Variants in NUDT9 observed in about 807,000 individuals in gnomAD.
NUDT9 encodes ADP-ribose pyrophosphatase.
A neutral mutation model predicts 41.0 loss-of-function variants in NUDT9; 31 were observed. The ratio of observed to expected loss-of-function variants is 0.76; its 90% CI spans 0.57 to 1.02. The LOEUF is 1.02. Among genes scored for constraint, NUDT9 ranks in the 50% least tolerant of loss-of-function variants. The probability of loss-of-function intolerance (pLI) is 0.00; values close to 1 mark genes in which losing one functional copy is unlikely to be tolerated. For synonymous variants in NUDT9, 146 were observed against 147.6 expected (o/e 0.99, Z 0.08); for missense variants, 380 against 431.4 (o/e 0.88, Z 1.06).
chr4:87,436,811 A>C (rs554855917), intron 2 of NUDT9, among the ~76,000 whole-genome samples: 9 of 152,228 alleles, frequency 5.9e-5, no homozygotes, highest in Non-Finnish European at 1.0e-4. Context: ...CACTCAATGG[A>C]ATTAAAGCAA....
At chr4:87,438,454 A>G (rs192638873) in intron 3 of NUDT9, 82 bp downstream of exon 3, 10 of 718,114 alleles carry the variant, frequency 1.4e-5, no homozygotes, top group Non-Finnish European at 1.5e-5. Flanking sequence ...AAATCCTTGT[A>G]TGTGCCAGAT....
At chr4:87,431,886 A>G (rs184326481) in intron 1 of NUDT9, among the ~76,000 whole-genome samples, 55 of 152,228 alleles carry the variant, frequency 3.6e-4, no homozygotes, top group African/African-American at 1.1e-3. Context: ...GGGTTTCGCC[A>G]TGTTGGCCGG....
chr4:87,448,913 A>G (rs1722589036), intron 4 of NUDT9, among the ~76,000 whole-genome samples: 1 of 152,152 alleles, frequency 6.6e-6, no homozygotes, highest in Non-Finnish European at 1.5e-5. Flanking sequence ...TTCATTACAG[A>G]TAATGTAGTG....
intron 1 of NUDT9, among the ~76,000 whole-genome samples, chr4:87,428,476 C>G (rs1038956277): frequency 1.3e-5 from 2 of 152,074 alleles, no homozygotes; most frequent in Non-Finnish European, 2.9e-5. Flanking sequence ...TGGAAGCAAC[C>G]AAGATGTTCT....
intron 4 of NUDT9, among the ~76,000 whole-genome samples, chr4:87,446,336 A>G (rs957247484): frequency 4.7e-5 from 7 of 148,410 alleles, no homozygotes; most frequent in African/African-American, 1.2e-4. Context: ...GCAACCTCCA[A>G]GTGATTCTCC....
chr4:87,443,228 A>G (rs970674011), intron 4 of NUDT9, among the ~76,000 whole-genome samples: 2 of 151,772 alleles, frequency 1.3e-5, no homozygotes, highest in Non-Finnish European at 2.9e-5. Context: ...TGACCAAAAC[A>G]TCATTATGTG....
Position 87,449,770 on chromosome 4 carries a change from TATA to T in NUDT9, c.642+520_642+522del, listed in dbSNP as rs1226379548. Reference sequence around the variant, plus strand: ...TGTTCTGTGTAGTTTAAATAATTTCTATAATGTTATCAAGATGAGTATACTTTT... The same window carrying T: ...TGTTCTGTGTAGTTTAAATAATTTCTATGTTATCAAGATGAGTATACTTTT... On this transcript the variant is annotated intron_variant, in intron 5 of 7. Transcript: ENST00000302174. 9.2e-5 allele frequency among the ~76,000 whole-genome samples: 14 copies of T among 152,368 alleles called. No homozygotes were observed. The East Asian group carries it at 1.2e-3, about 13-fold the overall frequency.
intron 4 of NUDT9, among the ~76,000 whole-genome samples, chr4:87,443,882 T>G (rs1722328068): frequency 6.6e-6 from 1 of 152,224 alleles, no homozygotes; most frequent in African/African-American, 2.4e-5. Context: ...GTTAGGAGTA[T>G]GGACTGGAGC....
intron 7 of NUDT9, among the ~76,000 whole-genome samples, chr4:87,457,065 A>G (rs149936473): frequency 6.6e-6 from 1 of 152,208 alleles, no homozygotes; most frequent in African/African-American, 2.4e-5. Context: ...AGTGCCTAGT[A>G]CAGTCTGGCA....
At chr4:87,441,788 G>A (rs1722211440) in intron 3 of NUDT9, 41 bp from the exon 4 acceptor site, 3 of 1,482,786 alleles carry the variant, frequency 2.0e-6, no homozygotes, top group African/African-American at 2.8e-5. Context: ...TTAAAAAGAT[G>A]AACACATTCA....
chr4:87,441,104 A>T lies in NUDT9; in HGVS notation c.444-725A>T, dbSNP rs576363915. 8.2e-4 allele frequency among the ~76,000 whole-genome samples: 125 copies of T among 152,338 alleles called. 3 individuals are homozygous for T. The South Asian group carries it at 0.025, about 31-fold the overall frequency. On this transcript the variant is annotated intron_variant, in intron 3 of 7. Transcript: ENST00000302174. ...TTTGGCAAGTTGTTTATTTACTTTCATATAGTGGGAGGGCAAGAGATACAG... is the reference window on the plus strand; with the variant it reads ...TTTGGCAAGTTGTTTATTTACTTTCTTATAGTGGGAGGGCAAGAGATACAG...
intron 4 of NUDT9, among the ~76,000 whole-genome samples, chr4:87,443,732 A>G (rs187516263): frequency 1.3e-5 from 2 of 152,322 alleles, no homozygotes; most frequent in Admixed American, 1.3e-4. Flanking sequence ...CAGGAAGCCT[A>G]AGAAAAGGGT....
At chr4:87,428,630 G>C (rs1465703879) in intron 1 of NUDT9, among the ~76,000 whole-genome samples, 1 of 152,220 alleles carries the variant, frequency 6.6e-6, no homozygotes, top group Admixed American at 6.5e-5. Flanking sequence ...AGGAAAGGCT[G>C]TATGATTCCA....
chr4:87,442,323 C>T lies in NUDT9; in HGVS notation c.530+408C>T, dbSNP rs187926370. Among the ~76,000 whole-genome samples, 38 of 152,116 alleles carry T rather than the reference C, an allele frequency of 2.5e-4. No individual in the cohort carries two copies. In the East Asian group the frequency reaches 6.0e-3, roughly 24 times the overall value. ...AACATAGGGAAAGTAGGTAAAAACA[C>T]GATATAAAAGATAAAAAACCATACA... On this transcript the variant is annotated intron_variant, in intron 4 of 7. Coordinates refer to ENST00000302174, the MANE Select transcript of NUDT9 (RefSeq NM_024047.5).
At chr4:87,427,386 A>C (rs983841470) in intron 1 of NUDT9, among the ~76,000 whole-genome samples, 6 of 152,212 alleles carry the variant, frequency 3.9e-5, no homozygotes, top group African/African-American at 1.4e-4. Context: ...GCTAGGCCAA[A>C]TATATTTCTT....
chr4:87,439,795 A>G (rs1276906585), intron 3 of NUDT9, among the ~76,000 whole-genome samples: 1 of 152,204 alleles, frequency 6.6e-6, no homozygotes, highest in Non-Finnish European at 1.5e-5. Context: ...TTAAAATTTG[A>G]GGTGAGATTT....
intron 3 of NUDT9, among the ~76,000 whole-genome samples, chr4:87,440,068 C>T (rs1201575879): frequency 6.6e-6 from 1 of 152,098 alleles, no homozygotes; most frequent in Non-Finnish European, 1.5e-5. Context: ...CTTTTTAAGT[C>T]AAATTCTCCT....
chr4:87,430,038 G>A (rs1468303452), intron 1 of NUDT9, among the ~76,000 whole-genome samples: 1 of 152,200 alleles, frequency 6.6e-6, no homozygotes, highest in Non-Finnish European at 1.5e-5. Flanking sequence ...AGGACTTTGA[G>A]ATGGGGAGAG....
rs938885205 is a variant in NUDT9, at chr4:87,459,230, G to A, written c.*1209G>A. 1.4e-4 allele frequency: 21 copies of A among 152,308 alleles called. No individual in the cohort carries two copies. Among genetic ancestry groups the A allele is most frequent in the African/African-American group, 4.8e-4 (20 of 41,574 alleles). 9.4% of individuals were successfully genotyped at this position (152,308 alleles called of 1,614,324 possible). On this transcript the variant is annotated 3_prime_UTR_variant, in exon 8 of 8. Coordinates refer to ENST00000302174, the MANE Select transcript of NUDT9 (RefSeq NM_024047.5). ...ACTGCATGTTCTCTTATAAGTGAGA[G>A]CTAAATGGTGAGAACACATGGACAT...
Sources: allele counts gnomAD v4.1 joint callset (sites outside exome capture counted in the v4.1 genomes callset), GRCh38; gene constraint gnomAD v4.1.1; transcripts MANE v1.5; gene names NCBI Gene and HGNC (gene_info 2026-07-23, HGNC 2026-07-21).